EDIL3: variants seen among roughly 807,000 people sequenced by gnomAD.
EDIL3 encodes the protein EGF-like repeat and discoidin I-like domain-containing protein 3.
EDIL3 carries 37 observed loss-of-function variants against 67.4 expected under a neutral mutation model. The observed-to-expected ratio is 0.55, with a 90% CI of 0.42 to 0.72. EDIL3 has a LOEUF of 0.72. Ranked by LOEUF, EDIL3 falls within the 30% of genes least tolerant of loss-of-function variation. EDIL3 has a pLI of 0.00. For missense variants in EDIL3, 527 were observed against 586.3 expected (o/e 0.90, Z 1.04); for synonymous variants, 195 against 196.3 (o/e 0.99, Z 0.05).
chr5:84,246,148 A>G (rs1744906173), intron 2 of EDIL3, among the ~76,000 whole-genome samples: 1 of 152,260 alleles, frequency 6.6e-6, no homozygotes, highest in Non-Finnish European at 1.5e-5. Context: ...GAGAAGCAAC[A>G]TTCCACAGCA....
chr5:84,192,283 A>T (rs2112368939), intron 3 of EDIL3, among the ~76,000 whole-genome samples: 1 of 152,006 alleles, frequency 6.6e-6, no homozygotes, highest in East Asian at 1.9e-4. Context: ...CTAATCAAAA[A>T]GCTTCTGTTA....
intron 1 of EDIL3, among the ~76,000 whole-genome samples, chr5:84,371,115 A>G (rs1747834477): frequency 6.6e-6 from 1 of 151,426 alleles, no homozygotes; most frequent in African/African-American, 2.4e-5. Context: ...TGATTTTTGA[A>G]AAGTGTTATA....
intron 1 of EDIL3, among the ~76,000 whole-genome samples, chr5:84,371,244 G>A (rs115407347): frequency 0.018 from 2,669 of 149,522 alleles, 41 homozygotes; most frequent in Middle Eastern, 0.028. Context: ...CTCCCAGGCT[G>A]TGCAGTTTAA....
intron 9 of EDIL3, 67 bp downstream of exon 9, chr5:84,060,233 C>A: frequency 6.4e-7 from 1 of 1,568,356 alleles, no homozygotes; most frequent in Non-Finnish European, 8.7e-7. Context: ...TGACACTCAC[C>A]TAATCAACAG....
intron 1 of EDIL3, among the ~76,000 whole-genome samples, chr5:84,294,118 T>C (rs1745984845): frequency 6.6e-6 from 1 of 150,922 alleles, no homozygotes; most frequent in Non-Finnish European, 1.5e-5. Flanking sequence ...GTGCGGTGGC[T>C]CACGCCTGTA....
At chr5:84,368,822 A>G (rs1171013639) in intron 1 of EDIL3, among the ~76,000 whole-genome samples, 3 of 152,292 alleles carry the variant, frequency 2.0e-5, no homozygotes, top group South Asian at 4.1e-4. Context: ...AATTGAACAG[A>G]TGTTTTCCCA....
intron 6 of EDIL3, among the ~76,000 whole-genome samples, chr5:84,073,768 C>T (rs1371412465): frequency 2.0e-5 from 3 of 152,232 alleles, no homozygotes; most frequent in Middle Eastern, 3.4e-3. Context: ...AATGGCCATA[C>T]TGCCCAAGGT....
At chr5:84,141,952 G>GATCGATCTATCTATCT (rs71605902) in intron 4 of EDIL3, among the ~76,000 whole-genome samples, 13,285 of 108,028 alleles carry the variant, frequency 0.12, 1,049 homozygotes, top group East Asian at 0.24. Context: ...TATATACATA[G>GATCGATCTATCTATCT]ATCTATCTAT....
At chr5:84,210,391 T>C (rs1176661423) in intron 3 of EDIL3, among the ~76,000 whole-genome samples, 1 of 152,136 alleles carries the variant, frequency 6.6e-6, no homozygotes, top group African/African-American at 2.4e-5. Context: ...ATTTTATTGC[T>C]TTTATAAATA....
intron 10 of EDIL3, among the ~76,000 whole-genome samples, chr5:83,961,154 AG>A (rs1361785831): frequency 6.6e-6 from 1 of 151,108 alleles, no homozygotes; most frequent in African/African-American, 2.4e-5. Flanking sequence ...CTAATGAAAA[AG>A]GGTTGATTTG....
intron 10 of EDIL3, among the ~76,000 whole-genome samples, chr5:83,947,151 C>T (rs148734239): frequency 0.01 from 1,590 of 151,890 alleles, 35 homozygotes; most frequent in African/African-American, 0.036. Flanking sequence ...AGACTATAGT[C>T]GAACCGCATC....
At chr5:83,972,916 A>C (rs929925786) in intron 9 of EDIL3, among the ~76,000 whole-genome samples, 6 of 152,096 alleles carry the variant, frequency 3.9e-5, no homozygotes, top group African/African-American at 1.4e-4. Context: ...GTTCTGAAAA[A>C]ATAATTCTCA....
intron 9 of EDIL3, among the ~76,000 whole-genome samples, chr5:83,973,189 G>A (rs895627482): frequency 2.0e-5 from 3 of 151,974 alleles, no homozygotes; most frequent in Admixed American, 6.6e-5. Context: ...TGATTAGTCT[G>A]GGGACTTTGA....
intron 1 of EDIL3, among the ~76,000 whole-genome samples, chr5:84,351,044 A>G (rs1010549600): frequency 2.0e-5 from 3 of 152,136 alleles, no homozygotes; most frequent in Non-Finnish European, 4.4e-5. Context: ...ATAGCCATGT[A>G]TGGTCAATCA....
chr5:84,302,090 A>T (rs2607366), intron 1 of EDIL3, among the ~76,000 whole-genome samples: 46,640 of 152,050 alleles, frequency 0.31, 7,399 homozygotes, highest in Non-Finnish European at 0.35. Flanking sequence ...ATCTTATACA[A>T]ATCTGTCTCA....
intron 3 of EDIL3, among the ~76,000 whole-genome samples, chr5:84,187,367 A>T (rs912977112): frequency 2.0e-5 from 3 of 152,046 alleles, no homozygotes; most frequent in Non-Finnish European, 4.4e-5. Context: ...ACACTTAGAG[A>T]CTGTGCCCGA....
chr5:84,300,966 A>G (rs1746147667), intron 1 of EDIL3, among the ~76,000 whole-genome samples: 1 of 140,706 alleles, frequency 7.1e-6, no homozygotes, highest in Admixed American at 7.2e-5. Context: ...CTCATAAAAT[A>G]TTTTAAAAAT....
Position 84,278,827 on chromosome 5 carries a change from T to C in EDIL3, c.68-24615A>G, listed in dbSNP as rs577583830. 2.2e-4 allele frequency among the ~76,000 whole-genome samples: 34 copies of C among 152,280 alleles called. No individual in the cohort carries two copies. In the South Asian group the frequency reaches 6.0e-3, roughly 27 times the overall value. ...TCCTGACTCCTCCTGTTCTCTTTGATATTTCTGACATGGAGTGGCTAAAGA... is the reference window on the plus strand; with the variant it reads ...TCCTGACTCCTCCTGTTCTCTTTGACATTTCTGACATGGAGTGGCTAAAGA... On this transcript the variant is annotated intron_variant, in intron 1 of 10. Transcript: ENST00000296591.
intron 6 of EDIL3, among the ~76,000 whole-genome samples, chr5:84,102,438 G>T (rs2112278917): frequency 6.6e-6 from 1 of 151,770 alleles, no homozygotes; most frequent in South Asian, 2.1e-4. Context: ...AGGCCCGAAG[G>T]ATCTAGGAAA....
Sources: gnomAD v4.1 joint callset for allele counts (sites outside exome capture counted in the v4.1 genomes callset) on GRCh38, gnomAD v4.1.1 for gene constraint, MANE v1.5 for transcripts, NCBI Gene and HGNC (gene_info 2026-07-23, HGNC 2026-07-21) for gene names.